OGDH: variants seen among roughly 807,000 people sequenced by gnomAD.
The protein encoded by OGDH is 2-oxoglutarate dehydrogenase complex component E1.
In OGDH, 38 loss-of-function variants were observed where a neutral mutation model predicts 116.6. The observed-to-expected ratio is 0.33, with a 90% confidence interval of 0.25 to 0.43. The LOEUF (loss-of-function observed/expected upper bound fraction) is 0.43, where lower values mean the gene tolerates loss of function less well. Ranked by LOEUF, OGDH falls within the 20% of genes least tolerant of loss-of-function variation. The pLI is 1.00. For synonymous variants in OGDH, 488 were observed against 533.3 expected, an observed-to-expected ratio of 0.92 and a Z score of 1.17; for missense variants, 825 against 1,357.2, an observed-to-expected ratio of 0.61 and a Z score of 6.16.
At chr7:44,651,551 G>A (rs1479323962) in intron 4 of OGDH, among the ~76,000 whole-genome samples, 1 of 152,112 alleles carries the variant, frequency 6.6e-6, no homozygotes, top group Non-Finnish European at 1.5e-5. Context: ...TGAGATGGTA[G>A]GGCCAGTGGT....
chr7:44,704,964 G>A (rs1197477940), intron 20 of OGDH, among the ~76,000 whole-genome samples: 1 of 151,704 alleles, frequency 6.6e-6, no homozygotes, highest in African/African-American at 2.4e-5. Flanking sequence ...GCCCACCACA[G>A]CCTCCCAAAG....
At chr7:44,640,417 C>T (rs1487042955) in intron 2 of OGDH, among the ~76,000 whole-genome samples, 1 of 152,016 alleles carries the variant, frequency 6.6e-6, no homozygotes. Context: ...GTTAGCTATA[C>T]CTATCCCTGC....
At position 44,670,883 on chromosome 7, in the gene OGDH, C is replaced by T. The variant is rs536198375; in HGVS notation, c.634-2904C>T. Among the ~76,000 whole-genome samples the T allele has an allele frequency of 8.6e-5, 13 of 151,702 alleles. No homozygotes were observed. In the East Asian group the frequency reaches 9.7e-4, roughly 11 times the overall value. ...AAAATTAGCTGGGCGTGGTGGCGGG[C>T]ACCTGTAGTCCCAACTACTCGGGAG... On this transcript the variant is annotated intron_variant, in intron 5 of 22. Coordinates refer to ENST00000222673, the MANE Select transcript of OGDH (RefSeq NM_002541.4).
chr7:44,611,809 T>C (rs1784578721), intron 1 of OGDH, among the ~76,000 whole-genome samples: 1 of 152,086 alleles, frequency 6.6e-6, no homozygotes, highest in Admixed American at 6.5e-5. Flanking sequence ...TTATGGTACT[T>C]TTTGATGAAC....
intron 2 of OGDH, among the ~76,000 whole-genome samples, chr7:44,643,238 G>A (rs1019397655): frequency 5.9e-5 from 9 of 151,946 alleles, no homozygotes; most frequent in African/African-American, 2.2e-4. Context: ...TGCTTCCCAA[G>A]TGACTGGGAC....
Position 44,616,824 on chromosome 7 carries a change from T to TGTGTATATATACACATATAC in OGDH, c.-27-7481_-27-7462dup, listed in dbSNP as rs1205087779. Among the ~76,000 whole-genome samples, 17 of 138,710 alleles carry TGTGTATATATACACATATAC rather than the reference T, an allele frequency of 1.2e-4. 1 individual carries two copies. Among genetic ancestry groups the TGTGTATATATACACATATAC allele is most frequent in the Admixed American group, 1.1e-3 (15 of 13,202 alleles). 91.0% of individuals were successfully genotyped at this position (138,710 alleles called of 152,430 possible). The stretch of plus-strand genomic sequence containing the variant: ...ATATATATGCATATATACGTATATA[T>TGTGTATATATACACATATAC]GTGTATATATACACATATACGTGTA... On this transcript the variant is annotated intron_variant, in intron 1 of 22. Coordinates refer to ENST00000222673, the MANE Select transcript of OGDH (RefSeq NM_002541.4).
intron 20 of OGDH, among the ~76,000 whole-genome samples, chr7:44,704,460 ATCC>A (rs1260054156): frequency 2.0e-5 from 3 of 151,936 alleles, no homozygotes; most frequent in Admixed American, 6.6e-5. Flanking sequence ...GGCTCAAGGA[ATCC>A]TCCTACTTTG....
intron 19 of OGDH, among the ~76,000 whole-genome samples, chr7:44,700,762 C>G: frequency 6.6e-6 from 1 of 152,088 alleles, no homozygotes; most frequent in East Asian, 1.9e-4. Context: ...CCTGTAATCC[C>G]AGCACTTTGT....
intron 4 of OGDH, among the ~76,000 whole-genome samples, chr7:44,653,346 G>T (rs1234132586): frequency 6.6e-6 from 1 of 152,138 alleles, no homozygotes. Context: ...GCCCGTCTCG[G>T]ACTCCCAAAG....
At chr7:44,701,280 G>A (rs1421023616) in intron 19 of OGDH, among the ~76,000 whole-genome samples, 1 of 152,190 alleles carries the variant, frequency 6.6e-6, no homozygotes, top group East Asian at 1.9e-4. Context: ...AGAGAAGCAG[G>A]GAAGGGAGTA....
At chr7:44,621,416 A>T (rs887393172) in intron 1 of OGDH, among the ~76,000 whole-genome samples, 2 of 152,138 alleles carry the variant, frequency 1.3e-5, no homozygotes, top group Non-Finnish European at 2.9e-5. Context: ...GAGAAAGGTG[A>T]AGAATGGGTA....
intron 4 of OGDH, among the ~76,000 whole-genome samples, chr7:44,663,931 C>T (rs1364584692): frequency 6.6e-6 from 1 of 151,304 alleles, no homozygotes; most frequent in Non-Finnish European, 1.5e-5. Flanking sequence ...CAGAGTGAGA[C>T]CCTGTCTCAA....
intron 2 of OGDH, among the ~76,000 whole-genome samples, chr7:44,626,653 A>G (rs1030307751): frequency 6.6e-6 from 1 of 152,204 alleles, no homozygotes; most frequent in African/African-American, 2.4e-5. Flanking sequence ...GTGTGGCCAC[A>G]GTGCTGTGGA....
At position 44,700,288 on chromosome 7, in the gene OGDH, C is replaced by G; in HGVS notation, c.2559+19C>G. 5 of 1,613,502 alleles carry G rather than the reference C, an allele frequency of 3.1e-6. No individual in the cohort carries two copies. The highest frequency in any genetic ancestry group is 4.2e-6 in the Non-Finnish European group (5 of 1,179,660). ...GAAGCCGGTCAGTGGCAGGGCCTCC[C>G]TTGCTCAAACGAGGCCTGGCCCTGC... On this transcript the variant is annotated intron_variant, in intron 19 of 22. Coordinates refer to ENST00000222673, the MANE Select transcript of OGDH (RefSeq NM_002541.4).
chr7:44,632,158 G>A (rs1040374208), intron 2 of OGDH, among the ~76,000 whole-genome samples: 3 of 152,306 alleles, frequency 2.0e-5, no homozygotes, highest in Admixed American at 2.0e-4. Context: ...GGTAGAAGGA[G>A]AGCAAGTTTG....
intron 1 of OGDH, among the ~76,000 whole-genome samples, chr7:44,622,419 GTTTACC>G (rs1224956985): frequency 6.6e-6 from 1 of 152,122 alleles, no homozygotes; most frequent in Non-Finnish European, 1.5e-5. Flanking sequence ...TATATTGCTT[GTTTACC>G]TTTAATTTGT....
At chr7:44,621,656 G>A (rs561724469) in intron 1 of OGDH, among the ~76,000 whole-genome samples, 172 of 152,168 alleles carry the variant, frequency 1.1e-3, no homozygotes, top group African/African-American at 3.7e-3. Flanking sequence ...GGCAGATCAT[G>A]AGGTCAGGAG....
chr7:44,661,378 G>A lies in OGDH; in HGVS notation c.518-5358G>A, dbSNP rs144731532. 3.6e-3 allele frequency among the ~76,000 whole-genome samples: 554 copies of A among 152,004 alleles called. 14 individuals carry two copies. Among genetic ancestry groups the A allele is most frequent in the East Asian group, 1.5e-3 (8 of 5,170 alleles). On this transcript the variant is annotated intron_variant, in intron 4 of 22. Transcript: ENST00000222673. ...TTCTTGTGGATAAGCATATAGGTGG[G>A]TTTTGTTTTATATTTATCCACTTTT...
rs200506951 is a variant in OGDH, at chr7:44,707,241, G to T, written c.2649G>T (p.Arg883=). The change falls in exon 21 of 23, where the codon CGG becomes CGT. Residue 883 remains arginine, a synonymous_variant. Coordinates refer to ENST00000222673, the MANE Select transcript of OGDH (RefSeq NM_002541.4). The surrounding 1 kb of genome is among the most constrained non-coding windows in gnomAD (Gnocchi z 5.2). The stretch of plus-strand genomic sequence containing the variant: ...CTCTTGTAGGAACCCACTTCCAGCG[G>T]GTGATCCCAGAAGATGGCCCTGCAG... ...DEMLPGTHFQ[R]VIPEDGPAAQ... 5 of 1,614,206 alleles carry T rather than the reference G, an allele frequency of 3.1e-6. No homozygotes were observed. Among genetic ancestry groups the T allele is most frequent in the Non-Finnish European group, 4.2e-6 (5 of 1,180,032 alleles).
Sources: gnomAD v4.1 joint callset for allele counts (sites outside exome capture counted in the v4.1 genomes callset) on GRCh38, gnomAD v4.1.1 for gene constraint, Gnocchi (gnomAD v3.1) non-coding constraint, MANE v1.5 for transcripts, NCBI Gene and HGNC (gene_info 2026-07-23, HGNC 2026-07-21) for gene names.